The following FAM210A variants were observed in gnomAD, a reference collection of about 807,000 sequenced individuals.
FAM210A encodes family with sequence similarity 210 member A.
FAM210A carries 13 observed loss-of-function variants against 25.3 expected under a neutral mutation model. The ratio of observed to expected loss-of-function variants is 0.51; its 90% CI spans 0.33 to 0.82. The LOEUF (loss-of-function observed/expected upper bound fraction) is 0.82, where lower values mean the gene tolerates loss of function less well. FAM210A is among the 40% of genes least tolerant of loss of function. FAM210A has a pLI of 0.02. For synonymous variants in FAM210A, 125 were observed against 118.7 expected (o/e 1.05, Z -0.35); for missense variants, 319 against 323.2 (o/e 0.99, Z 0.10).
At chr18:13,693,281 C>T (rs554832910) in intron 1 of FAM210A, among the ~76,000 whole-genome samples, 6 of 152,264 alleles carry the variant, frequency 3.9e-5, no homozygotes, top group Non-Finnish European at 8.8e-5. Context: ...AAGTCCAGGA[C>T]CAGACAGATT....
At chr18:13,704,021 A>G (rs879422710) in intron 1 of FAM210A, among the ~76,000 whole-genome samples, 7 of 152,246 alleles carry the variant, frequency 4.6e-5, no homozygotes, top group Admixed American at 2.0e-4. Context: ...AGTTGTTTAA[A>G]AAGAGGCATG....
At chr18:13,670,571 G>C (rs2043433358) in intron 3 of FAM210A, among the ~76,000 whole-genome samples, 1 of 152,094 alleles carries the variant, frequency 6.6e-6, no homozygotes, top group Non-Finnish European at 1.5e-5. Flanking sequence ...AACTTCCTTA[G>C]GTAGAAGTTT....
chr18:13,721,153 G>C (rs1473793502), intron 1 of FAM210A, among the ~76,000 whole-genome samples: 1 of 152,142 alleles, frequency 6.6e-6, no homozygotes, highest in Admixed American at 6.5e-5. Flanking sequence ...AGATCACAGA[G>C]ATCTTGTTAT....
intron 1 of FAM210A, among the ~76,000 whole-genome samples, chr18:13,722,521 G>T (rs961681051): frequency 6.6e-6 from 1 of 152,100 alleles, no homozygotes; most frequent in Non-Finnish European, 1.5e-5. Flanking sequence ...TGCTTCTACT[G>T]GCAAAAAAGA....
intron 1 of FAM210A, among the ~76,000 whole-genome samples, chr18:13,689,841 A>T (rs1053483655): frequency 9.9e-5 from 15 of 152,214 alleles, no homozygotes; most frequent in Admixed American, 8.5e-4. Context: ...TCCAGTCTGC[A>T]GCTCCCAGCA....
intron 1 of FAM210A, among the ~76,000 whole-genome samples, chr18:13,713,255 ATGTT>A: frequency 6.6e-6 from 1 of 152,352 alleles, no homozygotes; most frequent in South Asian, 2.1e-4. Flanking sequence ...GTATGTTTGT[ATGTT>A]GATACACAAA....
chr18:13,692,801 T>C (rs1353266168), intron 1 of FAM210A, among the ~76,000 whole-genome samples: 2 of 152,086 alleles, frequency 1.3e-5, no homozygotes, highest in Non-Finnish European at 1.5e-5. Context: ...GCAGGAAAGA[T>C]CTAAAATTGA....
At chr18:13,668,449 C>T (rs1209424321) in intron 3 of FAM210A, among the ~76,000 whole-genome samples, 1 of 152,220 alleles carries the variant, frequency 6.6e-6, no homozygotes, top group Admixed American at 6.5e-5. Context: ...ACTCTCTGGT[C>T]TTTAGTGCCA....
chr18:13,712,062 C>CA (rs905987605), intron 1 of FAM210A, among the ~76,000 whole-genome samples: 9 of 151,680 alleles, frequency 5.9e-5, no homozygotes, highest in African/African-American at 1.4e-4. Context: ...ATGAAAATGA[C>CA]AAAAAAAAGT....
intron 1 of FAM210A, among the ~76,000 whole-genome samples, chr18:13,707,151 A>ATGCTGAATC (rs1489258502): frequency 5.3e-5 from 8 of 152,272 alleles, no homozygotes; most frequent in Non-Finnish European, 1.2e-4. Flanking sequence ...TATAAATGAC[A>ATGCTGAATC]TGCTGAATCT....
At chr18:13,719,070 C>T (rs564863412) in intron 1 of FAM210A, among the ~76,000 whole-genome samples, 4 of 152,276 alleles carry the variant, frequency 2.6e-5, no homozygotes, top group East Asian at 3.9e-4. Context: ...GCATTTAGAA[C>T]TTGACATAGG....
At chr18:13,685,279 T>G (rs11080676) in intron 1 of FAM210A, among the ~76,000 whole-genome samples, 38,390 of 150,796 alleles carry the variant, frequency 0.25, 5,593 homozygotes, top group Non-Finnish European at 0.34. Context: ...TATTTTGAAA[T>G]GACCCTGCAA....
chr18:13,686,451 A>C (rs1177336587), intron 1 of FAM210A, among the ~76,000 whole-genome samples: 2 of 152,254 alleles, frequency 1.3e-5, no homozygotes, highest in Non-Finnish European at 2.9e-5. Flanking sequence ...AATTCCTGAC[A>C]AACAACTCTT....
At chr18:13,690,426 T>G (rs763845644) in intron 1 of FAM210A, among the ~76,000 whole-genome samples, 4 of 152,152 alleles carry the variant, frequency 2.6e-5, no homozygotes, top group African/African-American at 7.2e-5. Flanking sequence ...AGCACGGAGT[T>G]TGAGATCTGA....
At position 13,663,949 on chromosome 18, in the gene FAM210A, T is replaced by C. The variant is rs1308062058; in HGVS notation, c.*2531A>G. 1 of 152,206 alleles carries C rather than the reference T, an allele frequency of 6.6e-6. No individual in the cohort carries two copies. The highest frequency in any genetic ancestry group is 1.5e-5 in the Non-Finnish European group (1 of 68,042). The allele number at this position is 152,206 out of a possible 1,614,324, so 9.4% of individuals were successfully genotyped here. On this transcript the variant is annotated 3_prime_UTR_variant, in exon 4 of 4. Transcript: ENST00000651643. ...GAGGTGTACTGTAAATGAAATGAGG[T>C]CTATTATACATAGCAAACTATACTG...
intron 1 of FAM210A, among the ~76,000 whole-genome samples, chr18:13,689,096 A>T (rs1171555443): frequency 6.6e-6 from 1 of 152,220 alleles, no homozygotes; most frequent in Non-Finnish European, 1.5e-5. Flanking sequence ...TCCCTCCCTG[A>T]GGCATCTGCT....
chr18:13,682,063 T>C lies in FAM210A; in HGVS notation c.15A>G (p.Val5=). 1 of 1,586,728 alleles carries C rather than the reference T, an allele frequency of 6.3e-7. No individual in the cohort carries two copies. Among genetic ancestry groups the C allele is most frequent in the Non-Finnish European group, 8.6e-7 (1 of 1,166,756 alleles). The change falls in exon 2 of 4, where the codon GTA becomes GTG. Residue 5 remains valine, a synonymous_variant. Coordinates refer to ENST00000651643, the MANE Select transcript of FAM210A (RefSeq NM_152352.4). ...GTGCCAGTCGAGATACAGTCCGTGG[T>C]ACATTCCATTGCATTTTGAAGAGTG... MQWN[V]PRTVSRLARR... is the part of the protein sequence containing the mutation.
chr18:13,711,438 C>T (rs971952337), intron 1 of FAM210A, among the ~76,000 whole-genome samples: 1 of 152,056 alleles, frequency 6.6e-6, no homozygotes, highest in Non-Finnish European at 1.5e-5. Flanking sequence ...AACAAAAAAA[C>T]CAGCCTTCTC....
intron 1 of FAM210A, among the ~76,000 whole-genome samples, chr18:13,712,106 T>G (rs948713811): frequency 5.3e-5 from 8 of 152,098 alleles, no homozygotes; most frequent in South Asian, 2.1e-4. Context: ...AGATCTTAGG[T>G]TTCTAAAACT....
Sources: gnomAD v4.1 joint callset for allele counts (sites outside exome capture counted in the v4.1 genomes callset) on GRCh38, gnomAD v4.1.1 for gene constraint, MANE v1.5 for transcripts, NCBI Gene and HGNC (gene_info 2026-07-23, HGNC 2026-07-21) for gene names.